Variants in ZSWIM5 observed in about 807,000 individuals in gnomAD.
ZSWIM5 encodes zinc finger SWIM domain-containing protein 5.
ZSWIM5 carries 55 observed loss-of-function variants against 119.6 expected under a neutral mutation model. The ratio of observed to expected loss-of-function variants is 0.46; its 90% CI spans 0.37 to 0.58. The LOEUF is 0.58. Ranked by LOEUF, ZSWIM5 falls within the 20% of genes least tolerant of loss-of-function variation. The probability of loss-of-function intolerance (pLI) is 0.00; values close to 1 mark genes in which losing one functional copy is unlikely to be tolerated. For missense variants in ZSWIM5, 1,193 were observed against 1,512.8 expected, an observed-to-expected ratio of 0.79 and a Z score of 3.51; for synonymous variants, 537 against 606.9, an observed-to-expected ratio of 0.88 and a Z score of 1.69.
chr1:45,126,542 T>A (rs141717939), intron 1 of ZSWIM5, among the ~76,000 whole-genome samples: 1 of 152,158 alleles, frequency 6.6e-6, no homozygotes, highest in African/African-American at 2.4e-5. Flanking sequence ...GAATCCATAA[T>A]CTCAAAACTC....
chr1:45,109,540 T>C (rs1452662551), intron 1 of ZSWIM5, among the ~76,000 whole-genome samples: 1 of 151,942 alleles, frequency 6.6e-6, no homozygotes, highest in African/African-American at 2.4e-5. Context: ...GGTCAGGAGT[T>C]CAAGACCAGC....
rs776184222 is a variant in ZSWIM5, at chr1:45,036,276, C to G, written c.1918G>C (p.Val640Leu). The part of the protein sequence containing the change: ...MSDMNESRPP[V>L]YQHVPVAAGS... Reference sequence around the variant, plus strand: ...GCAGCCACAGGTACATGCTGGTACACAGGGGGTCTGCTTTCATTCATATCT... The same window carrying G: ...GCAGCCACAGGTACATGCTGGTACAGAGGGGGTCTGCTTTCATTCATATCT... The change falls in exon 9 of 14, where the codon GTG (valine) becomes CTG (leucine). Residue 640 changes from valine (V) to leucine (L), a missense_variant. Transcript: ENST00000359600. The G allele has an allele frequency of 1.1e-5, 17 of 1,613,558 alleles. No individual in the cohort carries two copies. In the South Asian group the frequency reaches 1.8e-4, roughly 17 times the overall value.
chr1:45,065,560 A>C (rs573696136), intron 2 of ZSWIM5, among the ~76,000 whole-genome samples: 1 of 152,352 alleles, frequency 6.6e-6, no homozygotes, highest in African/African-American at 2.4e-5. Context: ...AGGGCTAGGA[A>C]GAGGCAAAAC....
intron 1 of ZSWIM5, among the ~76,000 whole-genome samples, chr1:45,117,486 G>C (rs190513034): frequency 1.6e-4 from 25 of 152,238 alleles, no homozygotes; most frequent in African/African-American, 5.5e-4. Context: ...ACCAGCCCTG[G>C]CAACATAGTG....
chr1:45,101,176 A>G (rs922334977), intron 1 of ZSWIM5, among the ~76,000 whole-genome samples: 13 of 152,218 alleles, frequency 8.5e-5, no homozygotes, highest in Non-Finnish European at 1.5e-4. Flanking sequence ...GGAATCTACA[A>G]AGAACTTAAA....
chr1:45,155,805 T>C (rs545727107), intron 1 of ZSWIM5, among the ~76,000 whole-genome samples: 1 of 152,332 alleles, frequency 6.6e-6, no homozygotes, highest in South Asian at 2.1e-4. Context: ...CATCGTTATG[T>C]TCTCACTCAT....
intron 1 of ZSWIM5, among the ~76,000 whole-genome samples, chr1:45,129,011 C>G (rs2149029861): frequency 6.6e-6 from 1 of 152,162 alleles, no homozygotes; most frequent in South Asian, 2.1e-4. Flanking sequence ...CTGGAAATAC[C>G]ACAGATTATT....
intron 1 of ZSWIM5, among the ~76,000 whole-genome samples, chr1:45,181,280 G>A (rs1646017136): frequency 6.6e-6 from 1 of 152,076 alleles, no homozygotes; most frequent in South Asian, 2.1e-4. Context: ...AGAACTACGT[G>A]AAGAATGCAG....
intron 1 of ZSWIM5, among the ~76,000 whole-genome samples, chr1:45,142,390 C>T (rs1395499152): frequency 6.6e-6 from 1 of 152,126 alleles, no homozygotes; most frequent in Admixed American, 6.6e-5. Context: ...CTTACTCTGT[C>T]ACCCAGGCTA....
At chr1:45,100,361 A>G (rs1645432276) in intron 1 of ZSWIM5, among the ~76,000 whole-genome samples, 1 of 152,228 alleles carries the variant, frequency 6.6e-6, no homozygotes, top group South Asian at 2.1e-4. Flanking sequence ...GGACCTCTTC[A>G]AGGAGAACTA....
At chr1:45,028,345 A>G (rs1232522178) in intron 11 of ZSWIM5, among the ~76,000 whole-genome samples, 1 of 152,166 alleles carries the variant, frequency 6.6e-6, no homozygotes, top group Non-Finnish European at 1.5e-5. Flanking sequence ...TAGCTCTTAC[A>G]TTTAGGTTAT....
At chr1:45,026,988 A>C (rs913260840) in intron 11 of ZSWIM5, among the ~76,000 whole-genome samples, 1 of 151,606 alleles carries the variant, frequency 6.6e-6, no homozygotes, top group Non-Finnish European at 1.5e-5. Flanking sequence ...CTAAGTTATC[A>C]AATTGGTGGG....
intron 4 of ZSWIM5, among the ~76,000 whole-genome samples, chr1:45,058,041 A>G (rs576061170): frequency 6.6e-6 from 1 of 152,320 alleles, no homozygotes; most frequent in African/African-American, 2.4e-5. Context: ...GCCCAAGTTC[A>G]TTTTTGATTT....
intron 2 of ZSWIM5, among the ~76,000 whole-genome samples, chr1:45,073,789 T>C (rs1202193110): frequency 6.6e-6 from 1 of 151,898 alleles, no homozygotes; most frequent in Non-Finnish European, 1.5e-5. Flanking sequence ...AGTGGTAACA[T>C]GGGGCATCCT....
At chr1:45,130,772 C>A (rs1324720411) in intron 1 of ZSWIM5, among the ~76,000 whole-genome samples, 1 of 152,158 alleles carries the variant, frequency 6.6e-6, no homozygotes, top group Non-Finnish European at 1.5e-5. Flanking sequence ...AACACATAAA[C>A]CTCTTGAAAG....
chr1:45,018,282 G>A lies in ZSWIM5; in HGVS notation c.*172C>T. 1.3e-6 allele frequency: 1 copy of A among 799,876 alleles called. No homozygotes were observed. The highest frequency in any genetic ancestry group is 1.9e-6 in the Non-Finnish European group (1 of 519,242). The allele number at this position is 799,876 out of a possible 1,614,324, so 49.5% of individuals were successfully genotyped here. On this transcript the variant is annotated 3_prime_UTR_variant, in exon 14 of 14. Coordinates refer to ENST00000359600, the MANE Select transcript of ZSWIM5 (RefSeq NM_020883.2). This position sits in a 1 kb window ranked among gnomAD's most constrained non-coding sequence, Gnocchi z 6.7. ...AGGCTGTAGTCAGAAGCTTGCCAAG[G>A]TAGGCATTATCGACTAGAGCTGGAC...
At chr1:45,143,554 A>T (rs1645743052) in intron 1 of ZSWIM5, among the ~76,000 whole-genome samples, 1 of 152,180 alleles carries the variant, frequency 6.6e-6, no homozygotes, top group Non-Finnish European at 1.5e-5. Flanking sequence ...TCCTCCATCT[A>T]ACAAAATACT....
intron 11 of ZSWIM5, among the ~76,000 whole-genome samples, chr1:45,025,211 C>A (rs1004140019): frequency 6.6e-6 from 1 of 152,096 alleles, no homozygotes; most frequent in Non-Finnish European, 1.5e-5. Context: ...TCAACAGTAC[C>A]ACACTGTCTT....
At chr1:45,143,538 C>T (rs953557586) in intron 1 of ZSWIM5, among the ~76,000 whole-genome samples, 4 of 152,102 alleles carry the variant, frequency 2.6e-5, no homozygotes, top group Non-Finnish European at 4.4e-5. Context: ...AGGGTATCTA[C>T]AAAAATCCTC....
Sources: allele counts gnomAD v4.1 joint callset (sites outside exome capture counted in the v4.1 genomes callset), GRCh38; gene constraint gnomAD v4.1.1; non-coding constraint Gnocchi (gnomAD v3.1); transcripts MANE v1.5; gene names NCBI Gene and HGNC (gene_info 2026-07-23, HGNC 2026-07-21).